SLC24A3: variants seen among roughly 807,000 people sequenced by gnomAD.
SLC24A3 encodes sodium/potassium/calcium exchanger 3.
A neutral mutation model predicts 75.8 loss-of-function variants in SLC24A3; 28 were observed. That is an observed-to-expected ratio of 0.37 (90% CI 0.27 to 0.51). The LOEUF is 0.51. Among genes scored for constraint, SLC24A3 ranks in the 20% least tolerant of loss-of-function variants. The probability of loss-of-function intolerance (pLI) is 0.94; values close to 1 mark genes in which losing one functional copy is unlikely to be tolerated. For missense variants in SLC24A3, 663 were observed against 847.8 expected (o/e 0.78, Z 2.71); for synonymous variants, 372 against 334.1 (o/e 1.11, Z -1.24).
intron 7 of SLC24A3, among the ~76,000 whole-genome samples, chr20:19,663,318 G>A (rs1040431498): frequency 2.0e-5 from 3 of 147,868 alleles, no homozygotes; most frequent in Admixed American, 1.4e-4. Flanking sequence ...CCTCCACACA[G>A]TCCTCTCAAA....
chr20:19,339,223 C>T (rs983649375), intron 2 of SLC24A3, among the ~76,000 whole-genome samples: 3 of 152,100 alleles, frequency 2.0e-5, no homozygotes, highest in East Asian at 1.9e-4. Flanking sequence ...CAGATCATTG[C>T]GTTCAGTGCT....
chr20:19,569,797 A>C (rs1174256570), intron 3 of SLC24A3, among the ~76,000 whole-genome samples: 1 of 152,036 alleles, frequency 6.6e-6, no homozygotes, highest in Admixed American at 6.5e-5. Context: ...GTCCTCTTGC[A>C]CCTTCAGGCC....
At chr20:19,633,822 T>TC (rs1035542596) in intron 6 of SLC24A3, among the ~76,000 whole-genome samples, 67 of 151,938 alleles carry the variant, frequency 4.4e-4, no homozygotes, top group African/African-American at 1.5e-3. Context: ...AAGGCACAAT[T>TC]CCCCCCATAA....
chr20:19,717,912 G>A (rs982937096), intron 16 of SLC24A3, among the ~76,000 whole-genome samples: 1 of 152,234 alleles, frequency 6.6e-6, no homozygotes, highest in African/African-American at 2.4e-5. Context: ...TTCATTGATT[G>A]TTCCAGGTTC....
chr20:19,608,987 G>A (rs754053104), intron 6 of SLC24A3, among the ~76,000 whole-genome samples: 14 of 152,200 alleles, frequency 9.2e-5, no homozygotes, highest in Non-Finnish European at 1.5e-4. Flanking sequence ...TGAGGCAGAC[G>A]TGTTGAATGA....
chr20:19,649,491 T>C (rs2032175961), intron 6 of SLC24A3, among the ~76,000 whole-genome samples: 1 of 152,216 alleles, frequency 6.6e-6, no homozygotes, highest in Non-Finnish European at 1.5e-5. Context: ...TACATTCCTA[T>C]CTATAGTTTT....
intron 6 of SLC24A3, among the ~76,000 whole-genome samples, chr20:19,591,133 C>T (rs2031370657): frequency 6.6e-6 from 1 of 152,216 alleles, no homozygotes; most frequent in African/African-American, 2.4e-5. Context: ...CTGCTAAGGC[C>T]ACCCACCTGG....
intron 6 of SLC24A3, among the ~76,000 whole-genome samples, chr20:19,592,645 C>A (rs375514468): frequency 6.6e-6 from 1 of 152,082 alleles, no homozygotes; most frequent in South Asian, 2.1e-4. Flanking sequence ...GGACTCCTTC[C>A]ATGTAGTTTT....
chr20:19,216,006 A>G (rs1336926622), intron 1 of SLC24A3, among the ~76,000 whole-genome samples: 1 of 152,242 alleles, frequency 6.6e-6, no homozygotes, highest in African/African-American at 2.4e-5. Flanking sequence ...CTTATGTGCC[A>G]GGCAATGCGC....
At chr20:19,568,555 C>T (rs1176149483) in intron 3 of SLC24A3, among the ~76,000 whole-genome samples, 4 of 152,052 alleles carry the variant, frequency 2.6e-5, no homozygotes, top group Non-Finnish European at 5.9e-5. Context: ...GTACCTAGCA[C>T]AGTCAAATTC....
At chr20:19,309,857 T>G (rs981003162) in intron 2 of SLC24A3, among the ~76,000 whole-genome samples, 9 of 152,164 alleles carry the variant, frequency 5.9e-5, no homozygotes, top group African/African-American at 2.2e-4. Flanking sequence ...CCTTGCACCC[T>G]GGGAGAGCTG....
At chr20:19,587,770 A>T (rs890195039) in intron 6 of SLC24A3, among the ~76,000 whole-genome samples, 14 of 152,206 alleles carry the variant, frequency 9.2e-5, no homozygotes, top group Non-Finnish European at 1.8e-4. Context: ...TCTCATCTAT[A>T]GAGTGGGTAC....
rs113718818 is a variant in SLC24A3 at position 19,715,850 on chromosome 20, G to A, written c.1720-1678G>A. Among the ~76,000 whole-genome samples, 69 of 152,284 alleles carry A rather than the reference G, an allele frequency of 4.5e-4. 2 individuals carry two copies. In the South Asian group the frequency reaches 0.014, roughly 31 times the overall value. ...AGCCTCACTTTCCCTTCCCAAGAAC[G>A]TAGAGAAGCTTTTCACTCCCTGCAG... On this transcript the variant is annotated intron_variant, in intron 15 of 16. Coordinates refer to ENST00000328041, the MANE Select transcript of SLC24A3 (RefSeq NM_020689.4).
chr20:19,413,554 G>GC (rs1986780504), intron 2 of SLC24A3, among the ~76,000 whole-genome samples: 2 of 152,004 alleles, frequency 1.3e-5, no homozygotes, highest in Admixed American at 1.3e-4. Flanking sequence ...TGCACTGATT[G>GC]CCCCCCTGGT....
intron 3 of SLC24A3, among the ~76,000 whole-genome samples, chr20:19,560,192 G>A (rs1421842917): frequency 1.3e-5 from 2 of 152,094 alleles, no homozygotes; most frequent in Non-Finnish European, 2.9e-5. Context: ...CAACAAAGGG[G>A]GGAATTAAAG....
At chr20:19,597,560 C>A (rs1162330281) in intron 6 of SLC24A3, among the ~76,000 whole-genome samples, 1 of 152,126 alleles carries the variant, frequency 6.6e-6, no homozygotes, top group Non-Finnish European at 1.5e-5. Context: ...TTTATCATTT[C>A]TACATGTTGG....
intron 9 of SLC24A3, among the ~76,000 whole-genome samples, chr20:19,679,378 C>T (rs1339455251): frequency 6.6e-6 from 1 of 152,276 alleles, no homozygotes; most frequent in African/African-American, 2.4e-5. Flanking sequence ...CGGCACGCAC[C>T]TGCAATCGCA....
In SLC24A3 at chr20:19,297,742, C is replaced by T. The variant is rs550063309; in HGVS notation, c.271+16655C>T. Reference sequence around the variant, plus strand: ...TGCCTTGTAGATTTTAGTCATTTTTCTTAGATACTTACTTAGGTAAACTTT... The same window carrying T: ...TGCCTTGTAGATTTTAGTCATTTTTTTTAGATACTTACTTAGGTAAACTTT... On this transcript the variant is annotated intron_variant, in intron 2 of 16. Transcript: ENST00000328041. 2.4e-4 allele frequency among the ~76,000 whole-genome samples: 37 copies of T among 152,254 alleles called. 1 individual carries two copies. The highest frequency in any genetic ancestry group is 3.4e-3 in the Middle Eastern group (1 of 294).
At chr20:19,586,973 T>G (rs1186387490) in intron 6 of SLC24A3, among the ~76,000 whole-genome samples, 1 of 152,210 alleles carries the variant, frequency 6.6e-6, no homozygotes. Context: ...TTTTAAAAAA[T>G]GAGTCTCTGC....
Sources: gnomAD v4.1 joint callset for allele counts (sites outside exome capture counted in the v4.1 genomes callset) on GRCh38, gnomAD v4.1.1 for gene constraint, MANE v1.5 for transcripts, NCBI Gene and HGNC (gene_info 2026-07-23, HGNC 2026-07-21) for gene names.